Variants in TRIO observed in about 807,000 individuals in gnomAD.
The protein encoded by TRIO is triple functional domain protein.
Under a neutral mutation model 351.9 loss-of-function variants are expected in TRIO, and 58 were observed. The ratio of observed to expected loss-of-function variants is 0.16; its 90% CI spans 0.13 to 0.21. The LOEUF is 0.21. Among genes scored for constraint, TRIO ranks in the 10% least tolerant of loss-of-function variants. The pLI, the probability that TRIO is intolerant of heterozygous loss-of-function variation, is 1.00. For missense variants in TRIO, 3,201 were observed against 4,027.8 expected, an observed-to-expected ratio of 0.79 and a Z score of 5.56; for synonymous variants, 1,758 against 1,595.7, an observed-to-expected ratio of 1.10 and a Z score of -2.42.
intron 16 of TRIO, among the ~76,000 whole-genome samples, 164 bp from the exon 17 acceptor site, chr5:14,368,544 T>C (rs1744799204): frequency 6.6e-6 from 1 of 152,200 alleles, no homozygotes; most frequent in Non-Finnish European, 1.5e-5. Flanking sequence ...ATAAAACCTT[T>C]TTTGCTAAAC....
intron 1 of TRIO, among the ~76,000 whole-genome samples, chr5:14,218,454 A>C (rs1003268935): frequency 1.3e-5 from 2 of 152,236 alleles, no homozygotes; most frequent in African/African-American, 4.8e-5. Context: ...GCATCTAAGG[A>C]CCTGAGCTGA....
intron 28 of TRIO, among the ~76,000 whole-genome samples, chr5:14,395,482 A>G (rs1364214275): frequency 6.6e-6 from 1 of 152,244 alleles, no homozygotes; most frequent in Non-Finnish European, 1.5e-5. Flanking sequence ...CTTCAGGAGA[A>G]CAGTGATAAG....
At chr5:14,260,496 C>G (rs1397233855) in intron 1 of TRIO, among the ~76,000 whole-genome samples, 1 of 152,108 alleles carries the variant, frequency 6.6e-6, no homozygotes, top group Non-Finnish European at 1.5e-5. Context: ...CGATTAAACA[C>G]AATTCTAAGC....
chr5:14,250,176 C>T (rs1416847637), intron 1 of TRIO, among the ~76,000 whole-genome samples: 1 of 152,210 alleles, frequency 6.6e-6, no homozygotes, highest in Non-Finnish European at 1.5e-5. Context: ...TTGCTCCTCC[C>T]ACAGTTCATC....
intron 12 of TRIO, 122 bp from the exon 13 acceptor site, chr5:14,359,235 C>G: frequency 8.2e-7 from 1 of 1,217,504 alleles, no homozygotes; most frequent in South Asian, 1.6e-5. Flanking sequence ...GTTCCATTTT[C>G]TGAGACAAGC....
chr5:14,336,758 G>C, intron 11 of TRIO, 31 bp downstream of exon 11: 1 of 1,610,090 alleles, frequency 6.2e-7, no homozygotes, highest in Non-Finnish European at 8.5e-7. Flanking sequence ...AATATGATCT[G>C]TGCTTGAAAG....
intron 7 of TRIO, among the ~76,000 whole-genome samples, chr5:14,301,652 CTTT>C (rs1459173188): frequency 6.6e-6 from 1 of 152,172 alleles, no homozygotes; most frequent in Admixed American, 6.5e-5. Context: ...ATATTAGAAG[CTTT>C]TCTAAGAGGT....
At chr5:14,385,208 C>G (rs1040824757) in intron 21 of TRIO, among the ~76,000 whole-genome samples, 8 of 152,250 alleles carry the variant, frequency 5.3e-5, no homozygotes, top group Non-Finnish European at 1.2e-4. Flanking sequence ...ACTGCACTTC[C>G]TGTCTGCCCC....
At chr5:14,192,455 G>A (rs917547080) in intron 1 of TRIO, among the ~76,000 whole-genome samples, 1 of 152,006 alleles carries the variant, frequency 6.6e-6, no homozygotes, top group South Asian at 2.1e-4. Context: ...TAAATTTTTT[G>A]TAGAGACAAG....
intron 1 of TRIO, among the ~76,000 whole-genome samples, chr5:14,182,404 G>A (rs1039188349): frequency 6.6e-6 from 1 of 152,196 alleles, no homozygotes; most frequent in Non-Finnish European, 1.5e-5. Context: ...ATTTATATCT[G>A]ATAGAAATTG....
intron 1 of TRIO, among the ~76,000 whole-genome samples, chr5:14,176,414 G>A (rs985570729): frequency 2.0e-5 from 3 of 152,056 alleles, no homozygotes; most frequent in Admixed American, 1.3e-4. Flanking sequence ...AGCTTACAGT[G>A]AGCCGAGATC....
chr5:14,382,820 C>T (rs549172811), intron 21 of TRIO, among the ~76,000 whole-genome samples: 2 of 149,456 alleles, frequency 1.3e-5, no homozygotes, highest in Non-Finnish European at 3.0e-5. Context: ...TAGTTATGCA[C>T]ATTATATGAT....
intron 53 of TRIO, among the ~76,000 whole-genome samples, chr5:14,502,050 T>C (rs1168532913): frequency 6.6e-6 from 1 of 152,216 alleles, no homozygotes; most frequent in African/African-American, 2.4e-5. Flanking sequence ...TGTAGTGTAT[T>C]TATGATTCAT....
chr5:14,373,887 CT>C (rs1005051919), intron 18 of TRIO, among the ~76,000 whole-genome samples: 95 of 152,330 alleles, frequency 6.2e-4, no homozygotes, highest in African/African-American at 2.2e-3. Flanking sequence ...ACTCCTTAGG[CT>C]GTGATCCAGG....
At chr5:14,231,610 C>T (rs556137702) in intron 1 of TRIO, among the ~76,000 whole-genome samples, 1 of 152,328 alleles carries the variant, frequency 6.6e-6, no homozygotes, top group African/African-American at 2.4e-5. Context: ...GCCTTGGAAG[C>T]ATAGAGTCGT....
rs34555056 is a variant in TRIO, at chr5:14,509,378, T to TTG, written c.*966_*967dup. ...ACTTCGTATGGTGAGCTTTATGGTT[T>TTG]TGTGTGTGTGTTGGGGTTGGCGGGT... On this transcript the variant is annotated 3_prime_UTR_variant, in exon 57 of 57. Coordinates refer to ENST00000344204, the MANE Select transcript of TRIO (RefSeq NM_007118.4). 0.28 allele frequency: 125,940 copies of TTG among 446,496 alleles called. 18,008 individuals are homozygous for TTG. Among genetic ancestry groups the TTG allele is most frequent in the Middle Eastern group, 0.36 (796 of 2,202 alleles). 27.7% of individuals were successfully genotyped at this position (446,496 alleles called of 1,614,324 possible).
intron 53 of TRIO, 178 bp downstream of exon 53, chr5:14,498,818 GGA>G: frequency 2.1e-6 from 2 of 935,386 alleles, no homozygotes; most frequent in Non-Finnish European, 3.1e-6. Context: ...GGATGTCACA[GGA>G]GAGTGACCTC....
intron 34 of TRIO, among the ~76,000 whole-genome samples, chr5:14,446,081 A>G (rs1231357767): frequency 2.0e-5 from 3 of 152,140 alleles, no homozygotes; most frequent in Non-Finnish European, 4.4e-5. Context: ...CGTTCCTTTC[A>G]TTCCCTTTGT....
chr5:14,346,831 G>T (rs537876026), intron 11 of TRIO, among the ~76,000 whole-genome samples: 6 of 152,314 alleles, frequency 3.9e-5, no homozygotes, highest in Non-Finnish European at 7.3e-5. Flanking sequence ...TCAACCAAGG[G>T]TGCTAGCACG....
Sources: gnomAD v4.1 joint callset for allele counts (sites outside exome capture counted in the v4.1 genomes callset) on GRCh38, gnomAD v4.1.1 for gene constraint, MANE v1.5 for transcripts, NCBI Gene and HGNC (gene_info 2026-07-23, HGNC 2026-07-21) for gene names.